ST6GAL1: variants seen among roughly 807,000 people sequenced by gnomAD.
The protein encoded by ST6GAL1 is beta-galactoside alpha-2,6-sialyltransferase 1.
In ST6GAL1, 20 loss-of-function variants were observed where a neutral mutation model predicts 38.0. The observed-to-expected ratio is 0.53, with a 90% CI of 0.37 to 0.77. The LOEUF is 0.77. Among genes scored for constraint, ST6GAL1 ranks in the 30% least tolerant of loss-of-function variants. The probability of loss-of-function intolerance (pLI) is 0.00; values close to 1 mark genes in which losing one functional copy is unlikely to be tolerated. For synonymous variants in ST6GAL1, 196 were observed against 188.2 expected, an observed-to-expected ratio of 1.04 and a Z score of -0.34; for missense variants, 432 against 496.4, an observed-to-expected ratio of 0.87 and a Z score of 1.23.
intron 2 of ST6GAL1, among the ~76,000 whole-genome samples, chr3:186,997,052 G>A (rs1221917832): frequency 6.6e-6 from 1 of 151,970 alleles, no homozygotes; most frequent in Non-Finnish European, 1.5e-5. Context: ...AGGTGGGAAG[G>A]AAGAAATGTA....
rs1718993673 is a variant in ST6GAL1 at position 187,063,573 on chromosome 3, G to C, written c.706-9276G>C. On this transcript the variant is annotated intron_variant, in intron 5 of 7. Transcript: ENST00000169298. Reference sequence around the variant, plus strand: ...CATGGATGGTAGGATCTGGAGGTGAGCAGGCAGCAGCAAAGAGGAGAGGGG... The same window carrying C: ...CATGGATGGTAGGATCTGGAGGTGACCAGGCAGCAGCAAAGAGGAGAGGGG... Among the ~76,000 whole-genome samples the C allele has an allele frequency of 2.0e-5, 3 of 152,180 alleles. No homozygotes were observed. In the South Asian group the frequency reaches 6.2e-4, roughly 32 times the overall value.
intron 1 of ST6GAL1, among the ~76,000 whole-genome samples, chr3:186,937,815 G>A (rs1579251572): frequency 6.6e-6 from 1 of 152,242 alleles, no homozygotes; most frequent in Non-Finnish European, 1.5e-5. Context: ...GCTCACTCCT[G>A]TAATCCCAGC....
At chr3:186,982,398 GAAGACCCAGTA>G (rs1194409717) in intron 2 of ST6GAL1, among the ~76,000 whole-genome samples, 1 of 152,188 alleles carries the variant, frequency 6.6e-6, no homozygotes, top group African/African-American at 2.4e-5. Context: ...GACTCTCAGT[GAAGACCCAGTA>G]ATGCCAAGAA....
chr3:186,972,972 C>T (rs6802509), intron 2 of ST6GAL1, among the ~76,000 whole-genome samples: 1 of 151,984 alleles, frequency 6.6e-6, no homozygotes, highest in Non-Finnish European at 1.5e-5. Context: ...GCCATGGGCT[C>T]CCCAGTTGTG....
At chr3:186,947,394 G>C (rs1714407286) in intron 1 of ST6GAL1, among the ~76,000 whole-genome samples, 1 of 152,194 alleles carries the variant, frequency 6.6e-6, no homozygotes, top group African/African-American at 2.4e-5. Flanking sequence ...TGAGCTCCCT[G>C]TGCTGCCTGC....
chr3:187,026,615 C>T (rs1290396514), intron 2 of ST6GAL1, among the ~76,000 whole-genome samples: 3 of 152,144 alleles, frequency 2.0e-5, no homozygotes, highest in Admixed American at 1.3e-4. Flanking sequence ...AGTACAAAAG[C>T]CAGGATTTCA....
At chr3:187,001,531 C>CCT (rs1448877641) in intron 2 of ST6GAL1, among the ~76,000 whole-genome samples, 1 of 152,174 alleles carries the variant, frequency 6.6e-6, no homozygotes, top group Non-Finnish European at 1.5e-5. Context: ...AAATGGCTGA[C>CCT]CTTTCTGGAC....
chr3:186,983,072 C>T lies in ST6GAL1; in HGVS notation c.-183+19146C>T, dbSNP rs1412043426. 2.6e-5 allele frequency among the ~76,000 whole-genome samples: 4 copies of T among 152,102 alleles called. No homozygotes were observed. The East Asian group carries it at 7.7e-4, about 29-fold the overall frequency. ...TACGCTAAGTTTGTCTCTCAAAACT[C>T]TTTGTGGGCAGGAATTGTAGTTTAT... On this transcript the variant is annotated intron_variant, in intron 2 of 7. Coordinates refer to ENST00000169298, the MANE Select transcript of ST6GAL1 (RefSeq NM_173216.2).
chr3:187,015,466 T>G (rs1413136395), intron 2 of ST6GAL1, among the ~76,000 whole-genome samples: 2 of 152,160 alleles, frequency 1.3e-5, no homozygotes, highest in Non-Finnish European at 2.9e-5. Context: ...ATCACTGAAA[T>G]TCCAGGGTTA....
chr3:187,069,085 G>C (rs1032233387), intron 5 of ST6GAL1, among the ~76,000 whole-genome samples: 3 of 152,096 alleles, frequency 2.0e-5, no homozygotes, highest in African/African-American at 4.8e-5. Flanking sequence ...AGTTCTTATG[G>C]CCTGTCAGCC....
At chr3:186,965,429 C>A (rs1298433439) in intron 2 of ST6GAL1, among the ~76,000 whole-genome samples, 1 of 152,192 alleles carries the variant, frequency 6.6e-6, no homozygotes, top group Non-Finnish European at 1.5e-5. Flanking sequence ...CCTCTGTCCC[C>A]CTCCCTCTGC....
rs1560173536 is a variant in ST6GAL1, at chr3:187,042,912, A to AC, written c.214dup (p.His72ProfsTer37). 1.2e-6 allele frequency: 2 copies of AC among 1,613,916 alleles called. No individual in the cohort carries two copies. Among genetic ancestry groups the AC allele is most frequent in the Non-Finnish European group, 1.7e-6 (2 of 1,179,960 alleles). On this transcript the variant is annotated frameshift_variant, in exon 4 of 8. Coordinates refer to ENST00000169298, the MANE Select transcript of ST6GAL1 (RefSeq NM_173216.2). LOFTEE classifies it high-confidence loss of function. ...TCTGTATCCTCAAGCAGCACCCAGG[A>AC]CCCCCACAGGGGCCGCCAGACCCTC...
At chr3:187,055,354 A>G (rs1198695138) in intron 5 of ST6GAL1, among the ~76,000 whole-genome samples, 1 of 151,162 alleles carries the variant, frequency 6.6e-6, no homozygotes, top group East Asian at 1.9e-4. Flanking sequence ...CTAGCTTTTG[A>G]ATTTGTTTAC....
intron 2 of ST6GAL1, among the ~76,000 whole-genome samples, chr3:186,989,002 A>C (rs910732757): frequency 6.6e-6 from 1 of 152,214 alleles, no homozygotes; most frequent in Admixed American, 6.5e-5. Flanking sequence ...AGAATCATTA[A>C]CATGAAGCTA....
chr3:187,021,475 C>A (rs1469236436), intron 2 of ST6GAL1, among the ~76,000 whole-genome samples: 1 of 151,830 alleles, frequency 6.6e-6, no homozygotes, highest in Non-Finnish European at 1.5e-5. Context: ...CATAGTGGTT[C>A]ATGCCTGTAA....
chr3:187,022,268 A>T (rs533960371), intron 2 of ST6GAL1, among the ~76,000 whole-genome samples: 1 of 145,468 alleles, frequency 6.9e-6, no homozygotes, highest in African/African-American at 2.4e-5. Flanking sequence ...CCCCACACAT[A>T]TGGTCACATA....
chr3:186,962,716 G>T lies in ST6GAL1; in HGVS notation c.-324-1069G>T, dbSNP rs189837573. On this transcript the variant is annotated intron_variant, in intron 1 of 7. Transcript: ENST00000169298. ...AAAATAATCATGGGACTCCCTGGAA[G>T]ATTTTGTTTCAAACACTATTTGCCA... Among the ~76,000 whole-genome samples the T allele has an allele frequency of 2.0e-5, 3 of 152,320 alleles. No homozygotes were observed. The East Asian group carries it at 5.8e-4, about 29-fold the overall frequency.
At chr3:187,015,564 G>A (rs932150811) in intron 2 of ST6GAL1, among the ~76,000 whole-genome samples, 3 of 152,180 alleles carry the variant, frequency 2.0e-5, no homozygotes, top group African/African-American at 7.2e-5. Flanking sequence ...TTTCCTGGGT[G>A]CAGCAGCTCA....
chr3:186,961,212 A>G (rs1443526664), intron 1 of ST6GAL1, among the ~76,000 whole-genome samples: 1 of 151,994 alleles, frequency 6.6e-6, no homozygotes, highest in Non-Finnish European at 1.5e-5. Context: ...CTGACCTCAG[A>G]TGATCCTCCC....
Sources: gnomAD v4.1 joint callset for allele counts (sites outside exome capture counted in the v4.1 genomes callset) on GRCh38, gnomAD v4.1.1 for gene constraint, MANE v1.5 for transcripts, NCBI Gene and HGNC (gene_info 2026-07-23, HGNC 2026-07-21) for gene names.